CLIC5: variants seen among roughly 807,000 people sequenced by gnomAD.
The protein encoded by CLIC5 is chloride intracellular channel protein 5.
A neutral mutation model predicts 24.7 loss-of-function variants in CLIC5; 20 were observed. The observed-to-expected ratio is 0.81, with a 90% CI of 0.57 to 1.18. CLIC5 has a LOEUF of 1.18. Ranked by LOEUF, CLIC5 falls within the 50% of genes most tolerant of loss-of-function variation. The probability of loss-of-function intolerance (pLI) is 0.00; values close to 1 mark genes in which losing one functional copy is unlikely to be tolerated. For synonymous variants in CLIC5, 159 were observed against 135.6 expected, an observed-to-expected ratio of 1.17 and a Z score of -1.20; for missense variants, 341 against 326.1, an observed-to-expected ratio of 1.05 and a Z score of -0.35.
chr6:46,006,015 T>TATATTTATATATATATATATAC (rs66757100), intron 1 of CLIC5, among the ~76,000 whole-genome samples: 1 of 137,986 alleles, frequency 7.2e-6, no homozygotes. Context: ...TATATATATA[T>TATATTTATATATATATATATAC]ACACACATGT....
upstream of CLIC5, among the ~76,000 whole-genome samples, chr6:46,083,921 T>C (rs866324821): frequency 3.0e-3 from 459 of 152,298 alleles, 2 homozygotes; most frequent in African/African-American, 9.6e-3. Flanking sequence ...AGTCTCTTTG[T>C]AGGTCACTCA....
At chr6:46,082,966 C>G (rs1163508822), upstream of CLIC5, among the ~76,000 whole-genome samples, 1 of 152,182 alleles carries the variant, frequency 6.6e-6, no homozygotes, top group South Asian at 2.1e-4. Context: ...GTACCTAGAA[C>G]AGTGTCTGGT....
At chr6:45,886,033 A>G (rs975715923) in intron 6 of CLIC5, among the ~76,000 whole-genome samples, 4 of 152,204 alleles carry the variant, frequency 2.6e-5, no homozygotes, top group African/African-American at 7.2e-5. Context: ...AATTGGCTAG[A>G]GCAGTAACTG....
downstream of CLIC5, among the ~76,000 whole-genome samples, chr6:45,895,782 C>T (rs1239501808): frequency 6.6e-6 from 1 of 152,164 alleles, no homozygotes; most frequent in African/African-American, 2.4e-5. Context: ...GGAAACAATT[C>T]TAGACAGACT....
At chr6:45,886,344 G>A (rs9472601) in intron 6 of CLIC5, among the ~76,000 whole-genome samples, 2 of 152,104 alleles carry the variant, frequency 1.3e-5, no homozygotes, top group East Asian at 1.9e-4. Context: ...CTCCACCGTC[G>A]GGTGTGCTCA....
At chr6:45,920,513 G>A (rs577350107) in intron 4 of CLIC5, 95 of 294,068 alleles carry the variant, frequency 3.2e-4, no homozygotes, top group African/African-American at 3.6e-4. Context: ...CATGGCAGAC[G>A]GAGATGTCTC....
intron 1 of CLIC5, among the ~76,000 whole-genome samples, chr6:46,033,055 C>T (rs1299155648): frequency 7.9e-6 from 1 of 125,830 alleles, no homozygotes; most frequent in Admixed American, 1.1e-4. Flanking sequence ...GTGGCGTGAT[C>T]TTAGCTCACT....
chr6:46,009,866 C>T (rs1227753616), intron 1 of CLIC5, among the ~76,000 whole-genome samples: 1 of 152,194 alleles, frequency 6.6e-6, no homozygotes, highest in South Asian at 2.1e-4. Flanking sequence ...GAATCAACTT[C>T]CCCTGAGTTT....
Position 46,067,101 on chromosome 6 carries a change from A to G in CLIC5, c.540+12602T>C, listed in dbSNP as rs748595597. On this transcript the variant is annotated intron_variant, in intron 1 of 5. Coordinates refer to the CLIC5 transcript ENST00000185206. ...TTACAGCAGGGGAATTGAGTATCCAATTTGCAATTTCGTTCCAAGGGATGG... is the reference window on the plus strand; with the variant it reads ...TTACAGCAGGGGAATTGAGTATCCAGTTTGCAATTTCGTTCCAAGGGATGG... Among the ~76,000 whole-genome samples the G allele has an allele frequency of 2.6e-5, 4 of 152,220 alleles. No individual in the cohort carries two copies. The East Asian group carries it at 7.7e-4, about 29-fold the overall frequency.
chr6:46,028,099 G>C (rs917411379), intron 1 of CLIC5, among the ~76,000 whole-genome samples: 7 of 152,166 alleles, frequency 4.6e-5, no homozygotes, highest in African/African-American at 1.7e-4. Context: ...CCTTCATGAA[G>C]CCTCCCAACA....
intron 1 of CLIC5, among the ~76,000 whole-genome samples, chr6:46,058,259 T>C (rs1365536030): frequency 6.6e-6 from 1 of 152,238 alleles, no homozygotes; most frequent in Non-Finnish European, 1.5e-5. Context: ...TTGCTCTTAA[T>C]GATAAGAAGA....
intron 1 of CLIC5, among the ~76,000 whole-genome samples, chr6:45,961,471 C>T (rs946873465): frequency 1.3e-5 from 2 of 152,228 alleles, no homozygotes; most frequent in Non-Finnish European, 2.9e-5. Context: ...GCAGACCACA[C>T]TGGCTGCTGT....
intron 3 of CLIC5, among the ~76,000 whole-genome samples, chr6:45,944,940 C>A (rs1365389943): frequency 6.6e-6 from 1 of 152,232 alleles, no homozygotes; most frequent in Non-Finnish European, 1.5e-5. Flanking sequence ...CAACCCCTCA[C>A]ACGTGAAGGA....
intron 1 of CLIC5, among the ~76,000 whole-genome samples, chr6:46,076,255 G>A (rs1356100381): frequency 6.6e-6 from 1 of 152,192 alleles, no homozygotes; most frequent in Non-Finnish European, 1.5e-5. Context: ...ACCCACTGCA[G>A]CCACACTACT....
At chr6:46,061,670 C>T (rs1197482488) in intron 1 of CLIC5, among the ~76,000 whole-genome samples, 7 of 152,186 alleles carry the variant, frequency 4.6e-5, no homozygotes, top group Non-Finnish European at 8.8e-5. Context: ...TGGGCCTGGA[C>T]GTGGCCATTG....
chr6:45,901,115 C>T lies in CLIC5; in HGVS notation c.*1973G>A, dbSNP rs183832278. 4 of 152,202 alleles carry T rather than the reference C, an allele frequency of 2.6e-5. No individual in the cohort carries two copies. Among genetic ancestry groups the T allele is most frequent in the Admixed American group, 2.0e-4 (3 of 15,302 alleles). The allele number at this position is 152,202 out of a possible 1,614,324, so 9.4% of individuals were successfully genotyped here. The stretch of plus-strand genomic sequence containing the variant: ...CAGGATTTCACACTAATTAAAAGGC[C>T]TTCGGGATCATTTCAGCCCTCATCC... On this transcript the variant is annotated 3_prime_UTR_variant, in exon 6 of 6. Transcript: ENST00000339561.
chr6:46,005,234 C>T (rs1766508048), intron 1 of CLIC5, among the ~76,000 whole-genome samples: 2 of 152,370 alleles, frequency 1.3e-5, no homozygotes, highest in South Asian at 2.1e-4. Context: ...TCCTCCCCTC[C>T]TTCCCCTTTT....
At chr6:45,887,658 T>C (rs1265705990) in intron 6 of CLIC5, among the ~76,000 whole-genome samples, 1 of 152,188 alleles carries the variant, frequency 6.6e-6, no homozygotes, top group Non-Finnish European at 1.5e-5. Context: ...ACTTGGAAGG[T>C]GATGGAAGTT....
At chr6:45,915,595 C>T (rs572085921) in intron 4 of CLIC5, among the ~76,000 whole-genome samples, 1 of 152,310 alleles carries the variant, frequency 6.6e-6, no homozygotes, top group African/African-American at 2.4e-5. Flanking sequence ...GTGCAACCCC[C>T]AGCTGCACAG....
Sources: allele counts gnomAD v4.1 joint callset (sites outside exome capture counted in the v4.1 genomes callset), GRCh38; gene constraint gnomAD v4.1.1; transcripts MANE v1.5; gene names NCBI Gene and HGNC (gene_info 2026-07-23, HGNC 2026-07-21).